The following TRIM16 variants were observed in gnomAD, a reference collection of about 807,000 sequenced individuals.
TRIM16 encodes the protein tripartite motif-containing protein 16.
TRIM16 carries 33 observed loss-of-function variants against 50.4 expected under a neutral mutation model. The observed-to-expected ratio is 0.65, with a 90% CI of 0.50 to 0.88. The LOEUF (loss-of-function observed/expected upper bound fraction) is 0.88, where lower values mean the gene tolerates loss of function less well. Among genes scored for constraint, TRIM16 ranks in the 40% least tolerant of loss-of-function variants. TRIM16 has a pLI of 0.00. For missense variants in TRIM16, 581 were observed against 686.8 expected (o/e 0.85, Z 1.72); for synonymous variants, 229 against 270.7 (o/e 0.85, Z 1.51).
At chr17:15,664,968 G>GT (rs1285119266) in intron 6 of TRIM16, among the ~76,000 whole-genome samples, 1 of 148,476 alleles carries the variant, frequency 6.7e-6, no homozygotes, top group Non-Finnish European at 1.5e-5. Context: ...GGAGGTGGAG[G>GT]TTGCAGTGAG....
rs1313372533 is a variant in TRIM16, at chr17:15,642,789, A to C, written c.547T>G (p.Leu183Val). 1 of 747,936 alleles carries C rather than the reference A, an allele frequency of 1.3e-6. No individual in the cohort carries two copies. The highest frequency in any genetic ancestry group is 2.1e-6 in the Non-Finnish European group (1 of 475,848). 46.3% of individuals were successfully genotyped at this position (747,936 alleles called of 1,614,324 possible). A position where few individuals can be genotyped will look rare whatever the true frequency, so the allele number is the denominator to read the frequency against. The change falls in exon 8 of 12, where the codon TTG becomes GTG. Residue 183 changes from leucine to valine, a missense_variant. By Grantham distance (32) the Leu-to-Val change is conservative. Coordinates refer to ENST00000649191, the MANE Select transcript of TRIM16 (RefSeq NM_001348119.1). The stretch of plus-strand genomic sequence containing the variant: ...TCATTCAACTTGAGTTTCCGCTCCA[A>C]GTCTAACTGGGTGCACTGGAGTTCA... ...EAELQCTQLD[L>V]ERKLKLNENA...
At chr17:15,667,785 C>T (rs1988561915) in intron 6 of TRIM16, among the ~76,000 whole-genome samples, 1 of 152,146 alleles carries the variant, frequency 6.6e-6, no homozygotes, top group Non-Finnish European at 1.5e-5. Context: ...GTACACAACA[C>T]CTCTACTGTT....
rs867625688 is a variant in TRIM16 at position 15,640,213 on chromosome 17, A to G, written c.615+2508T>C. Among the ~76,000 whole-genome samples the G allele has an allele frequency of 8.1e-5, 12 of 148,654 alleles. 1 individual carries two copies. In the East Asian group the frequency reaches 2.5e-3, roughly 30 times the overall value. ...CAGGGTTGGGGATCCATGTGCCTGC[A>G]GTATAGCACTGAGCTGGCACAGCCT... On this transcript the variant is annotated intron_variant, in intron 8 of 11. Coordinates refer to ENST00000649191, the MANE Select transcript of TRIM16 (RefSeq NM_001348119.1).
At chr17:15,630,701 T>A (rs1347132116) in intron 11 of TRIM16, among the ~76,000 whole-genome samples, 1 of 150,464 alleles carries the variant, frequency 6.6e-6, no homozygotes, top group East Asian at 2.0e-4. Context: ...GCGCCTGTGG[T>A]CCCAGCTACT....
intron 11 of TRIM16, 103 bp downstream of exon 11, chr17:15,631,516 A>T: frequency 9.9e-7 from 1 of 1,008,120 alleles, no homozygotes; most frequent in South Asian, 1.6e-5. Context: ...ATAGATATGA[A>T]GTTGCAAGAA....
chr17:15,634,647 C>A (rs867001182), intron 9 of TRIM16, among the ~76,000 whole-genome samples: 8,537 of 109,730 alleles, frequency 0.078, 1,215 homozygotes, highest in African/African-American at 0.26. Flanking sequence ...AAAAAAAAAA[C>A]AAATAAAAAT....
chr17:15,652,605 C>G (rs193159201), intron 6 of TRIM16, among the ~76,000 whole-genome samples: 1 of 151,396 alleles, frequency 6.6e-6, no homozygotes, highest in Non-Finnish European at 1.5e-5. Context: ...GGATTACAGG[C>G]ACCCACCACC....
rs534545008 is a variant in TRIM16, at chr17:15,635,420, T to G, written c.849+616A>C. ...AATGATACATTGTAATGAAAAGCATTTCCTGGTTCCAACTGCTTACCTTTA... is the reference window on the plus strand; with the variant it reads ...AATGATACATTGTAATGAAAAGCATGTCCTGGTTCCAACTGCTTACCTTTA... On this transcript the variant is annotated intron_variant, in intron 9 of 11. Transcript: ENST00000649191. Among the ~76,000 whole-genome samples the G allele has an allele frequency of 1.3e-5, 2 of 148,836 alleles. 1 individual carries two copies. The highest frequency in any genetic ancestry group is 5.0e-5 in the African/African-American group (2 of 40,022).
intron 9 of TRIM16, 32 bp downstream of exon 9, chr17:15,636,004 G>A (rs1333577082): frequency 6.2e-7 from 1 of 1,609,730 alleles, no homozygotes; most frequent in Non-Finnish European, 8.5e-7. Flanking sequence ...TGGGGCAGCT[G>A]TGGGATGCCT....
At chr17:15,657,245 G>A (rs1248277876) in intron 6 of TRIM16, among the ~76,000 whole-genome samples, 1 of 152,010 alleles carries the variant, frequency 6.6e-6, no homozygotes, top group Admixed American at 6.5e-5. Flanking sequence ...TTGTTTGTTT[G>A]TTTGTCTTTG....
intron 6 of TRIM16, among the ~76,000 whole-genome samples, chr17:15,664,635 A>C (rs1988394697): frequency 6.6e-6 from 1 of 152,240 alleles, no homozygotes; most frequent in African/African-American, 2.4e-5. Context: ...AGAGCTAGAC[A>C]GACTACGTCC....
At chr17:15,653,040 A>T (rs1011611003) in intron 6 of TRIM16, among the ~76,000 whole-genome samples, 13 of 151,978 alleles carry the variant, frequency 8.6e-5, no homozygotes, top group African/African-American at 3.1e-4. Context: ...GCCTGGTGGG[A>T]GGTGTTTGGG....
chr17:15,634,109 C>T (rs908673580), intron 9 of TRIM16, among the ~76,000 whole-genome samples: 1 of 147,296 alleles, frequency 6.8e-6, no homozygotes, highest in Non-Finnish European at 1.5e-5. Flanking sequence ...GCGGGTGGAT[C>T]ACGAGGTCAG....
chr17:15,680,506 A>G (rs577559387), intron 4 of TRIM16, among the ~76,000 whole-genome samples: 2 of 152,188 alleles, frequency 1.3e-5, no homozygotes, highest in South Asian at 4.1e-4. Flanking sequence ...CTTGATTCTT[A>G]CCCAACCATG....
intron 8 of TRIM16, among the ~76,000 whole-genome samples, chr17:15,638,974 G>A (rs986303627): frequency 7.7e-5 from 11 of 143,582 alleles, no homozygotes; most frequent in Non-Finnish European, 1.7e-4. Flanking sequence ...GCAGGGGAAA[G>A]AAAGCAAGGG....
rs151050898 is a variant in TRIM16, at chr17:15,628,958, C to T, written c.1352G>A (p.Arg451Gln). 4.3e-6 allele frequency: 7 copies of T among 1,614,010 alleles called. No homozygotes were observed. The highest frequency in any genetic ancestry group is 3.3e-5 in the South Asian group (3 of 91,076). Residue 451 changes from arginine to glutamine, a missense_variant, in exon 12 of 12, where the codon CGG becomes CAG. By Grantham distance (43) the Arg-to-Gln change is conservative. This residue lies in a region of TRIM16 where 450 missense variants were observed against 544.3 expected (regional missense o/e 0.83). Transcript: ENST00000649191. The part of the protein sequence containing the change: ...YVGLTCKGID[R>Q]KGEERNSCIS... Reference sequence around the variant, plus strand: ...GCAACTGTTGCGCTCCTCCCCTTTCCGGTCGATGCCTTTGCAGGTCAGGCC... The same window carrying T: ...GCAACTGTTGCGCTCCTCCCCTTTCTGGTCGATGCCTTTGCAGGTCAGGCC...
intron 6 of TRIM16, among the ~76,000 whole-genome samples, chr17:15,657,109 GATTT>G (rs1307657820): frequency 6.6e-6 from 1 of 151,958 alleles, no homozygotes; most frequent in Non-Finnish European, 1.5e-5. Context: ...CCCACATCTG[GATTT>G]ATTTTTATTT....
At chr17:15,647,792 G>A (rs1987468147) in intron 7 of TRIM16, among the ~76,000 whole-genome samples, 1 of 149,346 alleles carries the variant, frequency 6.7e-6, no homozygotes, top group African/African-American at 2.5e-5. Flanking sequence ...AGGAAAGGCA[G>A]TCATAGAAGG....
At chr17:15,668,811 G>A (rs1274931718) in intron 6 of TRIM16, among the ~76,000 whole-genome samples, 1 of 152,066 alleles carries the variant, frequency 6.6e-6, no homozygotes, top group African/African-American at 2.4e-5. Context: ...GTGAGAAAGG[G>A]AGGAATTATT....
Sources: allele counts gnomAD v4.1 joint callset (sites outside exome capture counted in the v4.1 genomes callset), GRCh38; gene constraint gnomAD v4.1.1; regional missense constraint gnomAD v4.1.1; transcripts MANE v1.5; gene names NCBI Gene and HGNC (gene_info 2026-07-23, HGNC 2026-07-21).